The following MYO16 variants were observed in gnomAD, a reference collection of about 807,000 sequenced individuals.
MYO16 encodes the protein unconventional myosin-XVI.
MYO16 carries 94 observed loss-of-function variants against 205.3 expected under a neutral mutation model. The observed-to-expected ratio is 0.46, with a 90% CI of 0.39 to 0.54. The LOEUF (loss-of-function observed/expected upper bound fraction) is 0.54, where lower values mean the gene tolerates loss of function less well. Ranked by LOEUF, MYO16 falls within the 20% of genes least tolerant of loss-of-function variation. MYO16 has a pLI of 0.00. For missense variants in MYO16, 2,315 were observed against 2,387.5 expected (o/e 0.97, Z 0.63); for synonymous variants, 988 against 954.0 (o/e 1.04, Z -0.66).
At chr13:108,837,377 T>C (rs79407858) in intron 9 of MYO16, among the ~76,000 whole-genome samples, 3,877 of 152,300 alleles carry the variant, frequency 0.025, 128 homozygotes, top group East Asian at 0.11. Flanking sequence ...TATAGCAGCA[T>C]GCAAATGGAC....
At chr13:109,022,217 TTTA>T (rs1303942375) in intron 23 of MYO16, among the ~76,000 whole-genome samples, 1 of 136,620 alleles carries the variant, frequency 7.3e-6, no homozygotes, top group Non-Finnish European at 1.5e-5. Context: ...AATTTTTATA[TTTA>T]TATATTATAT....
intron 2 of MYO16, among the ~76,000 whole-genome samples, chr13:108,666,440 T>C (rs1038829671): frequency 6.6e-6 from 1 of 152,148 alleles, no homozygotes; most frequent in Admixed American, 6.5e-5. Context: ...TTTCCAATTG[T>C]TTAATTCTAA....
At chr13:108,631,756 T>C (rs1029963268) in intron 1 of MYO16, among the ~76,000 whole-genome samples, 4 of 152,146 alleles carry the variant, frequency 2.6e-5, no homozygotes, top group Non-Finnish European at 5.9e-5. Context: ...AAAATGCATC[T>C]TGAGCTATAT....
intron 4 of MYO16, among the ~76,000 whole-genome samples, chr13:108,781,238 G>A (rs748016566): frequency 2.0e-5 from 3 of 152,206 alleles, no homozygotes; most frequent in Non-Finnish European, 4.4e-5. Context: ...AAACAGTAAT[G>A]GCATCCCTGC....
chr13:109,022,330 T>TTATACAA (rs1159566181), intron 23 of MYO16, among the ~76,000 whole-genome samples: 1 of 111,282 alleles, frequency 9.0e-6, no homozygotes, highest in African/African-American at 3.6e-5. Context: ...TACAAATATA[T>TTATACAA]ATTTATATAT....
At chr13:108,835,797 C>T (rs1876882091) in intron 9 of MYO16, among the ~76,000 whole-genome samples, 1 of 152,160 alleles carries the variant, frequency 6.6e-6, no homozygotes, top group Admixed American at 6.5e-5. Flanking sequence ...CCCTAAAGAA[C>T]TGTGAAACTT....
intron 27 of MYO16, among the ~76,000 whole-genome samples, chr13:109,076,306 G>A (rs1003968228): frequency 1.3e-5 from 2 of 151,740 alleles, no homozygotes; most frequent in African/African-American, 4.8e-5. Context: ...GGTTTATTTA[G>A]TTCTTTTCTT....
Position 108,844,381 on chromosome 13 carries a change from T to G in MYO16, c.1136T>G (p.Leu379Trp), listed in dbSNP as rs768447323. ...LVLPIAKQDS[L>W]LEKDIMFKDA... The stretch of plus-strand genomic sequence containing the variant: ...TTACCAATTGCCAAGCAAGACAGTT[T>G]GTTGGAAAAAGACATTATGTTCAAA... The change falls in exon 10 of 35, where the codon TTG becomes TGG. Residue 379 changes from leucine (L) to tryptophan (W), a missense_variant. By Grantham distance (61) the Leu-to-Trp change is moderately conservative (BLOSUM62 -2). Coordinates refer to ENST00000457511, the MANE Select transcript of MYO16 (RefSeq NM_001198950.3). 8 of 1,613,350 alleles carry G rather than the reference T, an allele frequency of 5.0e-6. No homozygotes were observed. Among genetic ancestry groups the G allele is most frequent in the Admixed American group, 1.7e-5 (1 of 59,946 alleles).
At chr13:109,172,781 A>G (rs200482390) in intron 33 of MYO16, among the ~76,000 whole-genome samples, 2 of 152,252 alleles carry the variant, frequency 1.3e-5, no homozygotes, top group Admixed American at 6.5e-5. Context: ...TTTTAGAGCT[A>G]GAAGAGTCAT....
At chr13:108,724,133 CTT>C (rs534834619) in intron 3 of MYO16, among the ~76,000 whole-genome samples, 65 of 152,222 alleles carry the variant, frequency 4.3e-4, no homozygotes, top group Non-Finnish European at 8.8e-4. Flanking sequence ...ATAGAAATAT[CTT>C]TGTTTTTTGT....
At chr13:108,553,162 G>A in the MYO16 span, among the ~76,000 whole-genome samples, 1 of 151,756 alleles carries the variant, frequency 6.6e-6, no homozygotes, top group African/African-American at 2.4e-5. Flanking sequence ...GGGATTACAG[G>A]TGTGTGCCAC....
intron 16 of MYO16, among the ~76,000 whole-genome samples, chr13:108,943,922 G>T (rs1490161334): frequency 1.3e-5 from 2 of 152,208 alleles, no homozygotes; most frequent in Non-Finnish European, 2.9e-5. Flanking sequence ...ATTGATTCCA[G>T]TTAGTGGTGA....
chr13:108,859,294 A>G (rs1378605057), intron 11 of MYO16, among the ~76,000 whole-genome samples: 1 of 152,188 alleles, frequency 6.6e-6, no homozygotes, highest in Non-Finnish European at 1.5e-5. Flanking sequence ...GGTTCCCAAT[A>G]AATATTGAAT....
intron 2 of MYO16, among the ~76,000 whole-genome samples, chr13:108,705,624 A>G (rs1432415001): frequency 1.3e-5 from 2 of 152,170 alleles, no homozygotes; most frequent in African/African-American, 4.8e-5. Flanking sequence ...CATATATACA[A>G]TTTTGTTCTA....
chr13:108,691,453 G>T (rs1566552647), intron 2 of MYO16, among the ~76,000 whole-genome samples: 1 of 151,830 alleles, frequency 6.6e-6, no homozygotes, highest in Non-Finnish European at 1.5e-5. Context: ...ATTAAGAGGA[G>T]AAAGAGAGAG....
intron 4 of MYO16, among the ~76,000 whole-genome samples, chr13:108,744,793 T>C (rs1885009250): frequency 6.6e-6 from 1 of 152,248 alleles, no homozygotes; most frequent in Admixed American, 6.5e-5. Context: ...AGTAAAAATT[T>C]GAAAGAGGCT....
chr13:108,695,315 G>T (rs985426137), intron 2 of MYO16, among the ~76,000 whole-genome samples: 2 of 152,106 alleles, frequency 1.3e-5, no homozygotes, highest in African/African-American at 4.8e-5. Flanking sequence ...AACCCTTGTT[G>T]AAAATCTGTT....
chr13:108,886,475 G>T (rs1879892969), intron 13 of MYO16: 3 of 456,178 alleles, frequency 6.6e-6, no homozygotes, highest in Non-Finnish European at 1.3e-5. Flanking sequence ...AAGTGGAGTA[G>T]AATTTATTAT....
chr13:108,572,518 G>C, the MYO16 span, among the ~76,000 whole-genome samples: 2 of 152,144 alleles, frequency 1.3e-5, no homozygotes, highest in Non-Finnish European at 2.9e-5. Flanking sequence ...AATAAAAAGT[G>C]GTCATCTAGT....
Sources: gnomAD v4.1 joint callset for allele counts (sites outside exome capture counted in the v4.1 genomes callset) on GRCh38, gnomAD v4.1.1 for gene constraint, MANE v1.5 for transcripts, NCBI Gene and HGNC (gene_info 2026-07-23, HGNC 2026-07-21) for gene names.